The following SLC13A1 variants were observed in gnomAD, a reference collection of about 807,000 sequenced individuals.
The protein encoded by SLC13A1 is solute carrier family 13 member 1.
A neutral mutation model predicts 70.0 loss-of-function variants in SLC13A1; 65 were observed. That is an observed-to-expected ratio of 0.93 (90% CI 0.76 to 1.14). The LOEUF (loss-of-function observed/expected upper bound fraction) is 1.14, where lower values mean the gene tolerates loss of function less well. Among genes scored for constraint, SLC13A1 ranks in the 50% most tolerant of loss-of-function variants. SLC13A1 has a pLI of 0.00. For synonymous variants in SLC13A1, 275 were observed against 250.5 expected, an observed-to-expected ratio of 1.10 and a Z score of -0.92; for missense variants, 726 against 717.8, an observed-to-expected ratio of 1.01 and a Z score of -0.13.
chr7:123,157,577 T>C (rs1411416280), intron 6 of SLC13A1, among the ~76,000 whole-genome samples: 1 of 152,092 alleles, frequency 6.6e-6, no homozygotes, highest in Non-Finnish European at 1.5e-5. Flanking sequence ...AGCATATGTG[T>C]ATGTGTGTTT....
At chr7:123,131,114 A>G (rs931826508) in intron 8 of SLC13A1, among the ~76,000 whole-genome samples, 1 of 152,228 alleles carries the variant, frequency 6.6e-6, no homozygotes, top group African/African-American at 2.4e-5. Flanking sequence ...GGGCAAGCCT[A>G]TACATTCATA....
intron 2 of SLC13A1, among the ~76,000 whole-genome samples, chr7:123,178,033 C>CTCTCTCTCTCTCTCTATATATA (rs761704605): frequency 2.0e-5 from 3 of 149,954 alleles, no homozygotes; most frequent in African/African-American, 7.4e-5. Flanking sequence ...CTCTCTCTCT[C>CTCTCTCTCTCTCTCTATATATA]TATATATATA....
At chr7:123,174,618 A>G (rs1019624026) in intron 2 of SLC13A1, among the ~76,000 whole-genome samples, 1 of 152,072 alleles carries the variant, frequency 6.6e-6, no homozygotes, top group Non-Finnish European at 1.5e-5. Flanking sequence ...TACCATTGTC[A>G]TAGCCCCTTT....
chr7:123,197,167 C>T (rs927434766), intron 1 of SLC13A1, among the ~76,000 whole-genome samples: 6 of 152,154 alleles, frequency 3.9e-5, no homozygotes, highest in Non-Finnish European at 8.8e-5. Context: ...ACTTTTTTCA[C>T]TTTAGATGGA....
intron 1 of SLC13A1, among the ~76,000 whole-genome samples, chr7:123,185,752 C>T (rs778910348): frequency 2.0e-4 from 30 of 151,958 alleles, no homozygotes; most frequent in Non-Finnish European, 4.3e-4. Flanking sequence ...CAAGATTGCT[C>T]TAACTATTTG....
At chr7:123,199,303 T>C (rs569107864) in intron 1 of SLC13A1, among the ~76,000 whole-genome samples, 86 of 152,196 alleles carry the variant, frequency 5.7e-4, no homozygotes, top group African/African-American at 2.0e-3. Context: ...GGTAAATGCT[T>C]TATTAGATTT....
At chr7:123,168,156 G>A (rs1187930835) in intron 6 of SLC13A1, among the ~76,000 whole-genome samples, 1 of 152,132 alleles carries the variant, frequency 6.6e-6, no homozygotes, top group East Asian at 1.9e-4. Flanking sequence ...AGAAAATAAT[G>A]ATACTAATTT....
intron 6 of SLC13A1, among the ~76,000 whole-genome samples, chr7:123,164,175 C>T (rs1164089468): frequency 1.3e-5 from 2 of 151,786 alleles, no homozygotes; most frequent in Non-Finnish European, 2.9e-5. Flanking sequence ...TAGGGTAGGT[C>T]TTGTTGAAAA....
intron 1 of SLC13A1, 110 bp from the exon 2 acceptor site, chr7:123,181,211 G>C (rs986225169): frequency 4.3e-6 from 5 of 1,174,878 alleles, no homozygotes; most frequent in African/African-American, 1.6e-5. Flanking sequence ...AACGTAAGAA[G>C]ATCTGAAGAC....
At chr7:123,119,905 A>T (rs1793317462) in intron 12 of SLC13A1, among the ~76,000 whole-genome samples, 1 of 152,006 alleles carries the variant, frequency 6.6e-6, no homozygotes, top group Non-Finnish European at 1.5e-5. Flanking sequence ...CACTTAGCAT[A>T]CTATCAGTGC....
intron 6 of SLC13A1, among the ~76,000 whole-genome samples, chr7:123,161,556 G>A (rs1273000111): frequency 1.3e-5 from 2 of 152,128 alleles, no homozygotes; most frequent in South Asian, 2.1e-4. Flanking sequence ...AGCTAGCTGC[G>A]ATACAGAATG....
chr7:123,153,869 CATAT>C (rs533497805), intron 6 of SLC13A1, among the ~76,000 whole-genome samples: 5 of 151,882 alleles, frequency 3.3e-5, no homozygotes, highest in Non-Finnish European at 7.4e-5. Context: ...TGAAATGAAA[CATAT>C]ATATATGTGG....
chr7:123,140,849 T>G (rs1440998886), intron 7 of SLC13A1, among the ~76,000 whole-genome samples: 2 of 152,126 alleles, frequency 1.3e-5, no homozygotes, highest in Non-Finnish European at 2.9e-5. Context: ...TTGCCAATTT[T>G]GTTTAACTTT....
chr7:123,177,138 C>A (rs1485935511), intron 2 of SLC13A1, among the ~76,000 whole-genome samples: 1 of 152,128 alleles, frequency 6.6e-6, no homozygotes. Flanking sequence ...AGTAAGCCTG[C>A]ACTTCCCATC....
intron 12 of SLC13A1, 119 bp from the exon 13 acceptor site, chr7:123,119,361 ATC>A (rs762990631): frequency 1.2e-4 from 91 of 774,610 alleles, no homozygotes; most frequent in Non-Finnish European, 1.3e-4. Flanking sequence ...TATAATTTTA[ATC>A]TCTCTTTTTT....
At chr7:123,180,890 G>C in intron 2 of SLC13A1, 83 bp downstream of exon 2, 21 of 1,428,808 alleles carry the variant, frequency 1.5e-5, no homozygotes, top group Non-Finnish European at 2.0e-5. Flanking sequence ...CGAGATGATT[G>C]CTCCCTTTAA....
Position 123,186,278 on chromosome 7 carries a change from C to T in SLC13A1, c.100-5177G>A, listed in dbSNP as rs529205598. ...TATTCACACATGCACACAAAGAATACGAGGGTGAGTAACTTTTGGTGGACA... is the reference window on the plus strand; with the variant it reads ...TATTCACACATGCACACAAAGAATATGAGGGTGAGTAACTTTTGGTGGACA... On this transcript the variant is annotated intron_variant, in intron 1 of 14. Coordinates refer to ENST00000194130, the MANE Select transcript of SLC13A1 (RefSeq NM_022444.4). Among the ~76,000 whole-genome samples the T allele has an allele frequency of 1.7e-4, 26 of 151,860 alleles. No homozygotes were observed. The East Asian group carries it at 1.9e-3, about 11-fold the overall frequency.
chr7:123,150,256 CAG>C (rs1268040687), intron 6 of SLC13A1, among the ~76,000 whole-genome samples: 2 of 152,150 alleles, frequency 1.3e-5, no homozygotes, highest in East Asian at 1.9e-4. Context: ...TCCTACTTCA[CAG>C]AGAAAATAGA....
At position 123,129,608 on chromosome 7, in the gene SLC13A1, C is replaced by T. The variant is rs1228122629; in HGVS notation, c.933-127G>A. 4.5e-6 allele frequency: 3 copies of T among 670,870 alleles called. No homozygotes were observed. The African/African-American group carries it at 5.5e-5, about 12-fold the overall frequency. 41.6% of individuals were successfully genotyped at this position (670,870 alleles called of 1,614,324 possible). A position where few individuals can be genotyped will look rare whatever the true frequency, so the allele number is the denominator to read the frequency against. On this transcript the variant is annotated intron_variant, in intron 8 of 14. Transcript: ENST00000194130. ...ATCTCCCTTCATGCAATATGAATCT[C>T]CCCGTTAATAACAGATATCTGTGCT...
Sources: gnomAD v4.1 joint callset for allele counts (sites outside exome capture counted in the v4.1 genomes callset) on GRCh38, gnomAD v4.1.1 for gene constraint, MANE v1.5 for transcripts, NCBI Gene and HGNC (gene_info 2026-07-23, HGNC 2026-07-21) for gene names.